Variants in AVEN observed in about 807,000 individuals in gnomAD.
AVEN encodes apoptosis and caspase activation inhibitor.
Under a neutral mutation model 38.1 loss-of-function variants are expected in AVEN, and 41 were observed. That is an observed-to-expected ratio of 1.08 (90% confidence interval 0.84 to 1.40). AVEN has a LOEUF of 1.40. AVEN is among the 40% of genes most tolerant of loss of function. The pLI is 0.00. For missense variants in AVEN, 605 were observed against 438.8 expected, an observed-to-expected ratio of 1.38 and a Z score of -3.38; for synonymous variants, 206 against 171.8, an observed-to-expected ratio of 1.20 and a Z score of -1.56.
At chr15:34,049,409 A>G (rs1485433693) in intron 5 of AVEN, among the ~76,000 whole-genome samples, 1 of 152,218 alleles carries the variant, frequency 6.6e-6, no homozygotes, top group Admixed American at 6.5e-5. Context: ...TTACAATGCA[A>G]TCACAAGTAT....
chr15:33,863,816 G>A (rs1889418605), downstream of AVEN, among the ~76,000 whole-genome samples: 1 of 151,826 alleles, frequency 6.6e-6, no homozygotes, highest in African/African-American at 2.4e-5. Flanking sequence ...TAAGAATTTG[G>A]GCTACCATTT....
intron 5 of AVEN, among the ~76,000 whole-genome samples, chr15:34,058,432 A>C (rs653404): frequency 0.96 from 146,688 of 152,202 alleles, 70,912 homozygotes; most frequent in East Asian, 1. Flanking sequence ...TTCCAAGTCA[A>C]CAAACCTAAA....
chr15:33,861,409 T>C (rs1285632682), downstream of AVEN, among the ~76,000 whole-genome samples: 2 of 151,978 alleles, frequency 1.3e-5, no homozygotes, highest in African/African-American at 4.8e-5. Context: ...GTGATTGGAT[T>C]CCATCCGGGA....
At position 33,875,922 on chromosome 15, in the gene AVEN, T is replaced by C. The variant is rs1410699680; in HGVS notation, c.516+3A>G. 3.1e-6 allele frequency: 5 copies of C among 1,612,978 alleles called. No individual in the cohort carries two copies. The highest frequency in any genetic ancestry group is 4.2e-6 in the Non-Finnish European group (5 of 1,179,082). On this transcript the variant is annotated splice_donor_region_variant and intron_variant, in intron 3 of 5. Coordinates refer to ENST00000306730, the MANE Select transcript of AVEN (RefSeq NM_020371.3). ...TCCACACTTAACACAACTCTTATCT[T>C]ACCTGTTTTGGACAAGAAGCTTCAC...
rs200508300 is a variant in AVEN, at chr15:34,031,635, A to AT, written c.267+7144dup. 5.0e-4 allele frequency among the ~76,000 whole-genome samples: 75 copies of AT among 151,276 alleles called. 1 individual carries two copies. The highest frequency in any genetic ancestry group is 3.4e-3 in the Middle Eastern group (1 of 292). On this transcript the variant is annotated intron_variant, in intron 1 of 5. Transcript: ENST00000306730. ...AGGGAATGCATTCCATTAATCTCCTATTTTTTTTTGGATTGTTGTGCTGTT... is the reference window on the plus strand; with the variant it reads ...AGGGAATGCATTCCATTAATCTCCTATTTTTTTTTTGGATTGTTGTGCTGTT...
chr15:33,875,549 C>T (rs1891185753), intron 3 of AVEN, among the ~76,000 whole-genome samples: 1 of 152,150 alleles, frequency 6.6e-6, no homozygotes, highest in African/African-American at 2.4e-5. Flanking sequence ...GTTTTCTCAA[C>T]CTAACACCAA....
At chr15:33,973,754 G>A (rs931741174) in intron 2 of AVEN, among the ~76,000 whole-genome samples, 4 of 152,206 alleles carry the variant, frequency 2.6e-5, no homozygotes, top group Non-Finnish European at 5.9e-5. Flanking sequence ...CATTTTTCAT[G>A]GTTGAGGGCC....
chr15:33,898,258 A>C (rs1597208184), intron 2 of AVEN, among the ~76,000 whole-genome samples: 1 of 152,224 alleles, frequency 6.6e-6, no homozygotes, highest in African/African-American at 2.4e-5. Context: ...AAACAGCCCA[A>C]GCTCTTTACC....
chr15:33,983,201 T>C (rs1279337445), intron 2 of AVEN, among the ~76,000 whole-genome samples: 12,739 of 39,372 alleles, frequency 0.32, 1,240 homozygotes, highest in African/African-American at 0.5. Flanking sequence ...TATGTGTGTG[T>C]ATATATATAT....
At chr15:33,921,573 G>A (rs1893395616) in intron 2 of AVEN, among the ~76,000 whole-genome samples, 1 of 152,200 alleles carries the variant, frequency 6.6e-6, no homozygotes, top group Non-Finnish European at 1.5e-5. Context: ...AAGTTGGAAA[G>A]GTAAGTTGGG....
At chr15:33,909,415 A>G (rs1007516758) in intron 2 of AVEN, among the ~76,000 whole-genome samples, 1 of 152,222 alleles carries the variant, frequency 6.6e-6, no homozygotes, top group African/African-American at 2.4e-5. Flanking sequence ...TACTCTATAA[A>G]TGTACCAACA....
chr15:33,863,989 G>C, downstream of AVEN: 2 of 574,430 alleles, frequency 3.5e-6, no homozygotes, highest in Non-Finnish European at 3.1e-6. Context: ...ATGATGGTTT[G>C]TGTCCTTATG....
chr15:33,950,659 A>C (rs1447057811), intron 2 of AVEN, among the ~76,000 whole-genome samples: 2 of 152,108 alleles, frequency 1.3e-5, no homozygotes, highest in Non-Finnish European at 2.9e-5. Flanking sequence ...GAGGTAAATA[A>C]TTTTTAGTCT....
upstream of AVEN, among the ~76,000 whole-genome samples, chr15:34,043,321 GA>G (rs1200039229): frequency 6.6e-6 from 1 of 151,860 alleles, no homozygotes; most frequent in Non-Finnish European, 1.5e-5. Flanking sequence ...ATAGGACTTA[GA>G]AAAAAATGCA....
rs902070325 is a variant in AVEN at position 34,038,606 on chromosome 15, C to T, written c.267+174G>A. The stretch of plus-strand genomic sequence containing the variant: ...AGGGCCAAGCGCATACCCAGGCGCG[C>T]CCCCGCCACCAGGCGCGCCCCCGCG... On this transcript the variant is annotated intron_variant, in intron 1 of 5. Transcript: ENST00000306730. 2.0e-3 allele frequency among the ~76,000 whole-genome samples: 48 copies of T among 23,734 alleles called. No individual in the cohort carries two copies. In the East Asian group the frequency reaches 0.047, roughly 23 times the overall value. The allele number at this position is 23,734 out of a possible 152,430, so 15.6% of individuals were successfully genotyped here. A position where few individuals can be genotyped will look rare whatever the true frequency, so the allele number is the denominator to read the frequency against.
intron 2 of AVEN, among the ~76,000 whole-genome samples, chr15:34,069,039 C>T (rs1474963286): frequency 6.6e-6 from 1 of 151,876 alleles, no homozygotes; most frequent in African/African-American, 2.4e-5. Context: ...TCTCGATCTC[C>T]TGACCTCATG....
At chr15:34,056,084 G>A (rs1900137398) in intron 5 of AVEN, among the ~76,000 whole-genome samples, 1 of 152,136 alleles carries the variant, frequency 6.6e-6, no homozygotes, top group South Asian at 2.1e-4. Context: ...GCTGAGGGCT[G>A]TTTTCACTAC....
At chr15:34,017,485 T>G (rs950250091) in intron 1 of AVEN, among the ~76,000 whole-genome samples, 1 of 24,400 alleles carries the variant, frequency 4.1e-5, no homozygotes, top group African/African-American at 1.3e-4. Context: ...TTTTTTTTTG[T>G]TTTTTTTTTT....
At chr15:33,860,789 C>T in intron 11 of AVEN, 1 of 762,440 alleles carries the variant, frequency 1.3e-6, no homozygotes, top group East Asian at 2.7e-5. Context: ...TTTTCCATGC[C>T]CTGTTCTCTG....
Sources: allele counts gnomAD v4.1 joint callset (sites outside exome capture counted in the v4.1 genomes callset), GRCh38; gene constraint gnomAD v4.1.1; transcripts MANE v1.5; gene names NCBI Gene and HGNC (gene_info 2026-07-23, HGNC 2026-07-21).